The following ALK variants were observed in gnomAD, a reference collection of about 807,000 sequenced individuals.
ALK encodes ALK tyrosine kinase receptor.
A neutral mutation model predicts 163.1 loss-of-function variants in ALK; 74 were observed. The ratio of observed to expected loss-of-function variants is 0.45; its 90% CI spans 0.38 to 0.55. The LOEUF (loss-of-function observed/expected upper bound fraction) is 0.55, where lower values mean the gene tolerates loss of function less well. ALK is among the 20% of genes least tolerant of loss of function. The probability of loss-of-function intolerance (pLI) is 0.00; values close to 1 mark genes in which losing one functional copy is unlikely to be tolerated. For missense variants in ALK, 2,063 were observed against 2,105.3 expected (o/e 0.98, Z 0.39); for synonymous variants, 960 against 843.2 (o/e 1.14, Z -2.40).
chr2:29,775,273 A>C (rs896367810), intron 1 of ALK, among the ~76,000 whole-genome samples: 1 of 152,166 alleles, frequency 6.6e-6, no homozygotes, highest in African/African-American at 2.4e-5. Context: ...GTCTTGGTTA[A>C]CTCTGAGCAA....
intron 4 of ALK, among the ~76,000 whole-genome samples, chr2:29,417,141 C>T (rs1271323806): frequency 6.6e-6 from 1 of 151,836 alleles, no homozygotes; most frequent in Non-Finnish European, 1.5e-5. Flanking sequence ...GTGCCTGCCA[C>T]CATGCCCGGC....
intron 1 of ALK, among the ~76,000 whole-genome samples, chr2:29,914,523 T>C (rs1307578245): frequency 6.6e-6 from 1 of 152,262 alleles, no homozygotes; most frequent in Non-Finnish European, 1.5e-5. Context: ...TAGTGGTTCA[T>C]ATTGATGAAG....
At chr2:29,844,137 G>T (rs1394598339) in intron 1 of ALK, among the ~76,000 whole-genome samples, 1 of 152,190 alleles carries the variant, frequency 6.6e-6, no homozygotes, top group Non-Finnish European at 1.5e-5. Flanking sequence ...AGTCACCCCG[G>T]AACTGCTATC....
chr2:29,323,600 G>C (rs1014136513), intron 6 of ALK, among the ~76,000 whole-genome samples: 1 of 152,194 alleles, frequency 6.6e-6, no homozygotes, highest in Admixed American at 6.5e-5. Context: ...AGGGAGGAAG[G>C]AGAGCTGAGG....
chr2:29,373,936 A>G (rs117818997), intron 5 of ALK, among the ~76,000 whole-genome samples: 1 of 152,370 alleles, frequency 6.6e-6, no homozygotes, highest in East Asian at 1.9e-4. Flanking sequence ...CAGGCATAAG[A>G]GCATAGGTCT....
chr2:29,550,434 T>C (rs1673684394), intron 3 of ALK, among the ~76,000 whole-genome samples: 1 of 152,180 alleles, frequency 6.6e-6, no homozygotes, highest in Non-Finnish European at 1.5e-5. Context: ...TTGCTTTTAT[T>C]TCTAGAGTCT....
chr2:29,886,755 T>C (rs902293013), intron 1 of ALK, among the ~76,000 whole-genome samples: 1 of 152,234 alleles, frequency 6.6e-6, no homozygotes, highest in Non-Finnish European at 1.5e-5. Context: ...ATTTACAACA[T>C]GGGAATCATT....
At position 29,193,401 on chromosome 2, in the gene ALK, C is replaced by T. The variant is rs752927575; in HGVS notation, c.4686G>A (p.Leu1562=). Residue 1562 remains leucine (L), a synonymous_variant, in exon 29 of 29, where the codon CTG becomes CTA. Coordinates refer to ENST00000389048, the MANE Select transcript of ALK (RefSeq NM_004304.5). ...GAGGTACCTCCTTCATATTGGCAGT[C>T]AGCGAAGAGGGCTCTAGGAGCAGTG... ...GASLLLEPSS[L]TANMKEVPLF... is the part of the protein sequence containing the mutation. 1 of 1,614,194 alleles carries T rather than the reference C, an allele frequency of 6.2e-7. No homozygotes were observed. Among genetic ancestry groups the T allele is most frequent in the Non-Finnish European group, 8.5e-7 (1 of 1,180,032 alleles).
At chr2:29,377,189 G>C (rs766187186) in intron 5 of ALK, among the ~76,000 whole-genome samples, 130 of 152,260 alleles carry the variant, frequency 8.5e-4, no homozygotes, top group Non-Finnish European at 1.4e-3. Context: ...GTTAATAGGA[G>C]AGCTGAGGCC....
chr2:29,419,183 T>A (rs1669957197), intron 4 of ALK, among the ~76,000 whole-genome samples: 1 of 151,276 alleles, frequency 6.6e-6, no homozygotes, highest in Non-Finnish European at 1.5e-5. Flanking sequence ...GCCTCCCGAG[T>A]AGCTGGGATT....
rs113246748 is a variant in ALK, at chr2:29,409,742, T to G, written c.1155-25883A>C. Reference sequence around the variant, plus strand: ...GAGTTTTGCCTTTCTTTACTAAGACTCTTATCTGTGTCCTTGATTCCTAGT... The same window carrying G: ...GAGTTTTGCCTTTCTTTACTAAGACGCTTATCTGTGTCCTTGATTCCTAGT... On this transcript the variant is annotated intron_variant, in intron 4 of 28. Coordinates refer to ENST00000389048, the MANE Select transcript of ALK (RefSeq NM_004304.5). 4.5e-3 allele frequency among the ~76,000 whole-genome samples: 678 copies of G among 152,310 alleles called. 5 individuals are homozygous for G. Among genetic ancestry groups the G allele is most frequent in the African/African-American group, 0.015 (636 of 41,544 alleles).
chr2:29,873,175 G>A (rs1666620305), intron 1 of ALK, among the ~76,000 whole-genome samples: 1 of 152,132 alleles, frequency 6.6e-6, no homozygotes, highest in African/African-American at 2.4e-5. Context: ...TCAGTGCTAT[G>A]GGCTCCCATC....
At chr2:29,542,734 T>C (rs1445537234) in intron 3 of ALK, among the ~76,000 whole-genome samples, 2 of 152,220 alleles carry the variant, frequency 1.3e-5, no homozygotes, top group Non-Finnish European at 2.9e-5. Context: ...TTTCAATACA[T>C]TGTATCTAGG....
intron 1 of ALK, among the ~76,000 whole-genome samples, chr2:29,745,554 T>C (rs1159008270): frequency 6.6e-6 from 1 of 152,210 alleles, no homozygotes; most frequent in African/African-American, 2.4e-5. Context: ...GGTGAAATCG[T>C]GTCTACCTTA....
chr2:29,193,056 A>G lies in ALK; in HGVS notation c.*168T>C. ...AAGAATAGGATGAACCCATGCTCAA[A>G]ACCTTTCTAAAGCATTTTCAAAATA... On this transcript the variant is annotated 3_prime_UTR_variant, in exon 29 of 29. Coordinates refer to ENST00000389048, the MANE Select transcript of ALK (RefSeq NM_004304.5). The G allele has an allele frequency of 1.3e-6, 1 of 742,718 alleles. No individual in the cohort carries two copies. Among genetic ancestry groups the G allele is most frequent in the African/African-American group, 1.7e-5 (1 of 57,158 alleles). 46.0% of individuals were successfully genotyped at this position (742,718 alleles called of 1,614,324 possible). A position where few individuals can be genotyped will look rare whatever the true frequency, so the allele number is the denominator to read the frequency against.
At chr2:29,866,653 G>A (rs1666441805) in intron 1 of ALK, among the ~76,000 whole-genome samples, 1 of 152,198 alleles carries the variant, frequency 6.6e-6, no homozygotes, top group South Asian at 2.1e-4. Context: ...ACCAGAGACT[G>A]GCAGTGACTG....
Position 29,921,017 on chromosome 2 carries a change from G to T in ALK, c.-358C>A, listed in dbSNP as rs544078918. On this transcript the variant is annotated 5_prime_UTR_variant, in exon 1 of 29. Coordinates refer to ENST00000389048, the MANE Select transcript of ALK (RefSeq NM_004304.5). ...TATGGTTGAAGGGAGGTGGCAGTTG[G>T]GTACCGTCCTCTCCTGCCCCCCGCA... is the stretch of plus-strand genomic sequence containing the variant. 1 of 311,750 alleles carries T rather than the reference G, an allele frequency of 3.2e-6. No individual in the cohort carries two copies. The highest frequency in any genetic ancestry group is 4.9e-5 in the East Asian group (1 of 20,422). The allele number at this position is 311,750 out of a possible 1,614,324, so 19.3% of individuals were successfully genotyped here.
At chr2:29,431,623 C>T (rs994223063) in intron 4 of ALK, among the ~76,000 whole-genome samples, 2 of 152,168 alleles carry the variant, frequency 1.3e-5, no homozygotes, top group Non-Finnish European at 2.9e-5. Context: ...ATTGCCACTG[C>T]AAGCAAGAAC....
intron 3 of ALK, among the ~76,000 whole-genome samples, chr2:29,574,831 G>A (rs764086528): frequency 1.3e-5 from 2 of 152,174 alleles, no homozygotes; most frequent in South Asian, 2.1e-4. Flanking sequence ...AAAATGGGAC[G>A]CAGCACAGTC....
Sources: gnomAD v4.1 joint callset for allele counts (sites outside exome capture counted in the v4.1 genomes callset) on GRCh38, gnomAD v4.1.1 for gene constraint, MANE v1.5 for transcripts, NCBI Gene and HGNC (gene_info 2026-07-23, HGNC 2026-07-21) for gene names.